Variants in DRD2 observed in about 807,000 individuals in gnomAD.
The protein encoded by DRD2 is D(2) dopamine receptor.
A neutral mutation model predicts 38.0 loss-of-function variants in DRD2; 8 were observed. The ratio of observed to expected loss-of-function variants is 0.21; its 90% CI spans 0.12 to 0.38. The LOEUF (loss-of-function observed/expected upper bound fraction) is 0.38. Among genes scored for constraint, DRD2 ranks in the 10% least tolerant of loss-of-function variants. The probability of loss-of-function intolerance (pLI) is 1.00; values close to 1 mark genes in which losing one functional copy is unlikely to be tolerated. For synonymous variants in DRD2, 230 were observed against 238.6 expected (o/e 0.96, Z 0.33); for missense variants, 403 against 607.7 (o/e 0.66, Z 3.54).
At chr11:113,442,457 C>T (rs181290377) in intron 1 of DRD2, among the ~76,000 whole-genome samples, 2 of 152,280 alleles carry the variant, frequency 1.3e-5, no homozygotes, top group African/African-American at 4.8e-5. Flanking sequence ...CAAGGGGTAG[C>T]GGCAGGAGGA....
intron 1 of DRD2, among the ~76,000 whole-genome samples, chr11:113,452,643 C>T (rs957797515): frequency 1.5e-5 from 2 of 136,864 alleles, no homozygotes; most frequent in Admixed American, 7.3e-5. Context: ...GAACCAGTCC[C>T]CATCTTTTTT....
At chr11:113,423,878 T>G (rs1269991027) in intron 2 of DRD2, among the ~76,000 whole-genome samples, 1 of 152,096 alleles carries the variant, frequency 6.6e-6, no homozygotes, top group African/African-American at 2.4e-5. Context: ...AGTGGGGAGA[T>G]GGGAGTGAAG....
intron 1 of DRD2, among the ~76,000 whole-genome samples, chr11:113,429,945 T>C (rs1232828532): frequency 6.6e-6 from 1 of 152,194 alleles, no homozygotes; most frequent in African/African-American, 2.4e-5. Flanking sequence ...CTTGAGAATG[T>C]CAACTTTAAA....
chr11:113,465,778 C>T (rs1482060739), intron 1 of DRD2, among the ~76,000 whole-genome samples: 7 of 152,176 alleles, frequency 4.6e-5, no homozygotes, highest in Admixed American at 4.6e-4. Flanking sequence ...CAATTCATAC[C>T]TGGTCTAATG....
intron 2 of DRD2, 43 bp from the exon 3 acceptor site, chr11:113,418,179 G>T: frequency 1.3e-6 from 2 of 1,525,874 alleles, no homozygotes; most frequent in Non-Finnish European, 1.8e-6. Flanking sequence ...AGGAGTGGGA[G>T]ATTAGCTTAG....
At chr11:113,423,849 G>A (rs1950909432) in intron 2 of DRD2, among the ~76,000 whole-genome samples, 4 of 152,342 alleles carry the variant, frequency 2.6e-5, no homozygotes, top group African/African-American at 9.6e-5. Flanking sequence ...GGAGCATAAA[G>A]CAGCAGACCC....
intron 2 of DRD2, among the ~76,000 whole-genome samples, chr11:113,421,131 T>G (rs1171209652): frequency 1.3e-5 from 2 of 152,188 alleles, no homozygotes; most frequent in Admixed American, 6.5e-5. Flanking sequence ...TCCCTCTCCC[T>G]GCTGGGTGGC....
intron 1 of DRD2, among the ~76,000 whole-genome samples, chr11:113,462,449 G>A (rs1043153235): frequency 6.6e-6 from 1 of 152,218 alleles, no homozygotes; most frequent in African/African-American, 2.4e-5. Context: ...ATAAGAAGCA[G>A]AGAGGAGACA....
chr11:113,456,864 G>A (rs551065418), intron 1 of DRD2, among the ~76,000 whole-genome samples: 115 of 152,198 alleles, frequency 7.6e-4, no homozygotes, highest in African/African-American at 2.6e-3. Flanking sequence ...AACTGTACAC[G>A]TCAAAATTAT....
intron 1 of DRD2, among the ~76,000 whole-genome samples, chr11:113,469,973 G>T (rs941901990): frequency 6.6e-6 from 1 of 152,176 alleles, no homozygotes; most frequent in Non-Finnish European, 1.5e-5. Flanking sequence ...TGAGCACAGC[G>T]CCCTGCACAC....
chr11:113,449,058 G>C (rs968574210), intron 1 of DRD2, among the ~76,000 whole-genome samples: 7 of 152,140 alleles, frequency 4.6e-5, no homozygotes, highest in African/African-American at 1.7e-4. Flanking sequence ...CTCTGTCTTT[G>C]ATCTTCCCAC....
intron 1 of DRD2, among the ~76,000 whole-genome samples, chr11:113,458,774 A>T (rs1024740413): frequency 5.9e-5 from 9 of 152,238 alleles, no homozygotes; most frequent in African/African-American, 2.2e-4. Flanking sequence ...CCCAAGTTCT[A>T]AAATTTTGGA....
intron 4 of DRD2, among the ~76,000 whole-genome samples, chr11:113,415,882 A>G: frequency 6.6e-6 from 1 of 152,266 alleles, no homozygotes; most frequent in Non-Finnish European, 1.5e-5. Context: ...TTACTTGGTC[A>G]TTAGTTTTGC....
chr11:113,416,089 C>A (rs369762405), intron 4 of DRD2, among the ~76,000 whole-genome samples: 16 of 152,260 alleles, frequency 1.1e-4, no homozygotes, highest in South Asian at 8.3e-4. Flanking sequence ...GTTTGCGTGC[C>A]CTTCTAGGTC....
At chr11:113,452,143 C>T (rs1301780506) in intron 1 of DRD2, among the ~76,000 whole-genome samples, 3 of 152,074 alleles carry the variant, frequency 2.0e-5, no homozygotes, top group African/African-American at 7.2e-5. Context: ...GTACTTACTG[C>T]TTGCAAAGTA....
At chr11:113,439,874 A>AAAT (rs1951072848) in intron 1 of DRD2, among the ~76,000 whole-genome samples, 4 of 139,242 alleles carry the variant, frequency 2.9e-5, no homozygotes, top group African/African-American at 1.1e-4. Flanking sequence ...AAAAAAAAAA[A>AAAT]GCTAAGAGTA....
chr11:113,430,637 G>A (rs1015295315), intron 1 of DRD2, among the ~76,000 whole-genome samples: 5 of 152,198 alleles, frequency 3.3e-5, no homozygotes, highest in Non-Finnish European at 2.9e-5. Context: ...TGCACAGATT[G>A]TTGGGCTCCA....
At chr11:113,436,792 C>A (rs890850396) in intron 1 of DRD2, among the ~76,000 whole-genome samples, 2 of 152,148 alleles carry the variant, frequency 1.3e-5, no homozygotes, top group African/African-American at 2.4e-5. Flanking sequence ...CTCACCCCAG[C>A]GCCCATCCCT....
chr11:113,440,127 C>T (rs1182102710), intron 1 of DRD2, among the ~76,000 whole-genome samples: 1 of 152,114 alleles, frequency 6.6e-6, no homozygotes, highest in Non-Finnish European at 1.5e-5. Context: ...TCTCCTGAGT[C>T]CAACTTACCT....
Sources: allele counts gnomAD v4.1 joint callset (sites outside exome capture counted in the v4.1 genomes callset), GRCh38; gene constraint gnomAD v4.1.1; transcripts MANE v1.5; gene names NCBI Gene and HGNC (gene_info 2026-07-23, HGNC 2026-07-21).